Variants in TENM4 observed in about 807,000 individuals in gnomAD.
TENM4 encodes teneurin-4.
A neutral mutation model predicts 243.3 loss-of-function variants in TENM4; 82 were observed. The ratio of observed to expected loss-of-function variants is 0.34; its 90% CI spans 0.28 to 0.40. The LOEUF is 0.40. Ranked by LOEUF, TENM4 falls within the 10% of genes least tolerant of loss-of-function variation. TENM4 has a pLI of 1.00. For missense variants in TENM4, 3,138 were observed against 3,673.3 expected (o/e 0.85, Z 3.77); for synonymous variants, 1,412 against 1,456.3 (o/e 0.97, Z 0.69).
chr11:78,668,851 G>T (rs562974704), intron 32 of TENM4, 86 bp downstream of exon 32: 82 of 1,480,146 alleles, frequency 5.5e-5, no homozygotes, highest in Non-Finnish European at 7.4e-5. Context: ...GTCACCTTAT[G>T]CCAGCTTTCT....
intron 28 of TENM4, among the ~76,000 whole-genome samples, chr11:78,698,609 T>G (rs546862394): frequency 6.6e-6 from 1 of 152,348 alleles, no homozygotes; most frequent in Non-Finnish European, 1.5e-5. Flanking sequence ...TCCAAATCCT[T>G]GTTAAGAAAC....
intron 6 of TENM4, among the ~76,000 whole-genome samples, chr11:78,971,645 A>G (rs184693255): frequency 6.6e-6 from 1 of 152,312 alleles, no homozygotes; most frequent in African/African-American, 2.4e-5. Flanking sequence ...AGTATAATTT[A>G]GTATAAACTG....
At chr11:79,103,776 A>G (rs189245030) in intron 4 of TENM4, among the ~76,000 whole-genome samples, 17 of 152,050 alleles carry the variant, frequency 1.1e-4, no homozygotes, top group African/African-American at 3.9e-4. Flanking sequence ...CCTTCTAGAG[A>G]CTCATTCTGC....
At chr11:78,978,896 T>G (rs1857728542) in intron 6 of TENM4, among the ~76,000 whole-genome samples, 1 of 151,936 alleles carries the variant, frequency 6.6e-6, no homozygotes, top group Admixed American at 6.6e-5. Flanking sequence ...CTGAGTGAAG[T>G]TTGTGTACAA....
chr11:79,405,416 G>A (rs538882311), intron 1 of TENM4, among the ~76,000 whole-genome samples: 37 of 150,872 alleles, frequency 2.5e-4, no homozygotes, highest in African/African-American at 8.3e-4. Context: ...ATTGATGCTC[G>A]TCATTTGACA....
chr11:79,379,805 G>A (rs1017697326), intron 1 of TENM4, among the ~76,000 whole-genome samples: 1 of 152,190 alleles, frequency 6.6e-6, no homozygotes, highest in Non-Finnish European at 1.5e-5. Context: ...ACAATGGATG[G>A]GCTGAGGGTG....
At chr11:79,149,944 A>G (rs1225026922) in intron 3 of TENM4, among the ~76,000 whole-genome samples, 1 of 152,182 alleles carries the variant, frequency 6.6e-6, no homozygotes, top group Non-Finnish European at 1.5e-5. Flanking sequence ...AAGTACTTAA[A>G]AGTTTCTAAA....
chr11:79,171,719 T>C (rs1301184231), intron 3 of TENM4, among the ~76,000 whole-genome samples: 1 of 152,220 alleles, frequency 6.6e-6, no homozygotes, highest in African/African-American at 2.4e-5. Flanking sequence ...TTGCTTGCTG[T>C]AGAACGTAGC....
At chr11:79,409,130 G>A (rs1243149445) in intron 1 of TENM4, among the ~76,000 whole-genome samples, 3 of 148,892 alleles carry the variant, frequency 2.0e-5, no homozygotes. Context: ...GCACGCGCAC[G>A]CACATGCGTG....
intron 4 of TENM4, among the ~76,000 whole-genome samples, chr11:79,071,953 C>T (rs919607075): frequency 1.3e-5 from 2 of 152,046 alleles, no homozygotes; most frequent in African/African-American, 4.8e-5. Flanking sequence ...CTCAAAATAT[C>T]CCTGGAAATT....
intron 2 of TENM4, among the ~76,000 whole-genome samples, chr11:79,287,714 T>C (rs1477284337): frequency 6.6e-6 from 1 of 152,134 alleles, no homozygotes; most frequent in East Asian, 1.9e-4. Flanking sequence ...AGCAAATCTG[T>C]AGCAAAAAAG....
chr11:78,919,223 C>T (rs1856390545), intron 6 of TENM4, among the ~76,000 whole-genome samples: 1 of 152,106 alleles, frequency 6.6e-6, no homozygotes, highest in South Asian at 2.1e-4. Context: ...CTAAAAACAA[C>T]CCCATAAAAC....
chr11:78,914,241 C>T (rs1401726205), intron 6 of TENM4, among the ~76,000 whole-genome samples: 1 of 152,204 alleles, frequency 6.6e-6, no homozygotes, highest in East Asian at 1.9e-4. Context: ...GAGTCCCTTC[C>T]AGCCATTGAT....
chr11:79,079,352 C>A (rs141422136), intron 4 of TENM4, among the ~76,000 whole-genome samples: 5 of 152,346 alleles, frequency 3.3e-5, no homozygotes, highest in East Asian at 3.9e-4. Flanking sequence ...GGGCTCCCCC[C>A]AGAGCTGCCT....
rs186339915 is a variant in TENM4 at position 79,070,036 on chromosome 11, G to T, written c.-65-27C>A. 5.4e-6 allele frequency: 8 copies of T among 1,477,054 alleles called. 1 individual carries two copies. Among genetic ancestry groups the T allele is most frequent in the Non-Finnish European group, 4.5e-6 (5 of 1,117,272 alleles). 91.5% of individuals were successfully genotyped at this position (1,477,054 alleles called of 1,614,324 possible). ...TAGAGCCAGGGAAACCAAAGATAGGGCGTGAGAGGCAGAGAACATTCCCGG... is the reference window on the plus strand; with the variant it reads ...TAGAGCCAGGGAAACCAAAGATAGGTCGTGAGAGGCAGAGAACATTCCCGG... On this transcript the variant is annotated intron_variant, in intron 4 of 33. Coordinates refer to ENST00000278550, the MANE Select transcript of TENM4 (RefSeq NM_001098816.3).
chr11:79,106,091 A>G lies in TENM4; in HGVS notation c.-65-36082T>C. 1.3e-5 allele frequency among the ~76,000 whole-genome samples: 2 copies of G among 152,230 alleles called. 1 individual carries two copies. On this transcript the variant is annotated intron_variant, in intron 4 of 33. Transcript: ENST00000278550. ...ACATGCTCTCTTCAAGCCTCAAGAT[A>G]ATCATATGAAGTGGAAATCATTATC... is the stretch of plus-strand genomic sequence containing the variant.
chr11:79,378,314 C>G (rs962363286), intron 1 of TENM4, among the ~76,000 whole-genome samples: 1 of 152,260 alleles, frequency 6.6e-6, no homozygotes, highest in East Asian at 1.9e-4. Flanking sequence ...GGCTCTTTAT[C>G]CTGGTCCCTG....
At chr11:78,871,126 G>A (rs140280859) in intron 9 of TENM4, among the ~76,000 whole-genome samples, 10 of 152,270 alleles carry the variant, frequency 6.6e-5, no homozygotes, top group African/African-American at 2.2e-4. Context: ...CAGTGGCTGT[G>A]AGCACAGCCT....
Position 78,812,141 on chromosome 11 carries a change from C to G in TENM4, c.1959G>C (p.Lys653Asn). The change falls in exon 14 of 34, where the codon AAG becomes AAC. Residue 653 changes from lysine (K) to asparagine (N), a missense_variant. Physicochemically the swap from Lys to Asn is moderately conservative, Grantham distance 94. Transcript: ENST00000278550. ...TCTTACCTTCCTCACAGCTCTCGCCCTTGTAGCCAGGGTTGCAGATGCAGG... is the reference window on the plus strand; with the variant it reads ...TCTTACCTTCCTCACAGCTCTCGCCGTTGTAGCCAGGGTTGCAGATGCAGG... The part of the protein sequence containing the change: ...TGTCICNPGY[K>N]GESCEEVDCM... The G allele has an allele frequency of 6.4e-7, 1 of 1,551,492 alleles. No homozygotes were observed. The highest frequency in any genetic ancestry group is 1.2e-5 in the South Asian group (1 of 84,038).
Sources: allele counts gnomAD v4.1 joint callset (sites outside exome capture counted in the v4.1 genomes callset), GRCh38; gene constraint gnomAD v4.1.1; transcripts MANE v1.5; gene names NCBI Gene and HGNC (gene_info 2026-07-23, HGNC 2026-07-21).